The following HPSE2 variants were observed in gnomAD, a reference collection of about 807,000 sequenced individuals.
HPSE2 encodes the protein heparanase 2 (inactive).
In HPSE2, 38 loss-of-function variants were observed where a neutral mutation model predicts 60.5. That is an observed-to-expected ratio of 0.63 (90% CI 0.48 to 0.82). HPSE2 has a LOEUF of 0.82. HPSE2 is among the 40% of genes least tolerant of loss of function. HPSE2 has a pLI of 0.00. For synonymous variants in HPSE2, 295 were observed against 293.2 expected (o/e 1.01, Z -0.06); for missense variants, 713 against 740.4 (o/e 0.96, Z 0.43).
intron 3 of HPSE2, among the ~76,000 whole-genome samples, chr10:98,892,573 A>G (rs1258729774): frequency 6.6e-6 from 1 of 152,170 alleles, no homozygotes; most frequent in African/African-American, 2.4e-5. Context: ...ACTCTCTATT[A>G]TCCTTTATAG....
intron 2 of HPSE2, among the ~76,000 whole-genome samples, chr10:99,151,794 T>C (rs564126091): frequency 3.3e-5 from 5 of 152,258 alleles, no homozygotes; most frequent in South Asian, 2.1e-4. Context: ...CATGCACTTA[T>C]AATCCCAGCT....
intron 3 of HPSE2, among the ~76,000 whole-genome samples, chr10:98,822,876 G>A (rs918412750): frequency 1.3e-5 from 2 of 152,150 alleles, no homozygotes; most frequent in Non-Finnish European, 2.9e-5. Flanking sequence ...TAGAACCTAC[G>A]AATGTTACTT....
intron 11 of HPSE2, among the ~76,000 whole-genome samples, chr10:98,474,549 G>A (rs1394253138): frequency 6.6e-6 from 1 of 152,166 alleles, no homozygotes; most frequent in African/African-American, 2.4e-5. Context: ...GCAGTTAGAT[G>A]CCAATGTTTT....
At chr10:98,475,150 C>T (rs1940952379) in intron 11 of HPSE2, among the ~76,000 whole-genome samples, 1 of 148,152 alleles carries the variant, frequency 6.7e-6, no homozygotes, top group African/African-American at 2.5e-5. Context: ...CGGAGTCTCG[C>T]TCTGTCGCCC....
chr10:98,803,798 G>T (rs1159537794), intron 3 of HPSE2, among the ~76,000 whole-genome samples: 2 of 150,636 alleles, frequency 1.3e-5, no homozygotes, highest in African/African-American at 4.9e-5. Flanking sequence ...TTGACTTGGC[G>T]ATGCGGGCTC....
At chr10:99,225,031 A>G (rs540821644) in intron 2 of HPSE2, among the ~76,000 whole-genome samples, 1 of 152,188 alleles carries the variant, frequency 6.6e-6, no homozygotes, top group Non-Finnish European at 1.5e-5. Context: ...GATATAGTGA[A>G]CTGCAGCTCA....
intron 6 of HPSE2, among the ~76,000 whole-genome samples, chr10:98,690,864 A>G (rs1948061215): frequency 6.6e-6 from 1 of 152,222 alleles, no homozygotes; most frequent in Non-Finnish European, 1.5e-5. Flanking sequence ...TAGCAAACCC[A>G]AGAATATGCT....
chr10:98,677,166 T>C (rs1366289591), intron 6 of HPSE2, among the ~76,000 whole-genome samples: 1 of 152,238 alleles, frequency 6.6e-6, no homozygotes, highest in Non-Finnish European at 1.5e-5. Context: ...CCTTGCTAAC[T>C]AAGCTTCCTG....
At chr10:98,843,183 TC>T (rs1261907059) in intron 3 of HPSE2, among the ~76,000 whole-genome samples, 2 of 19,124 alleles carry the variant, frequency 1.0e-4, no homozygotes, top group African/African-American at 2.4e-4. Flanking sequence ...ATACTCTTCC[TC>T]CTCCTCCTCC....
chr10:99,009,454 A>G (rs2496706), intron 3 of HPSE2, among the ~76,000 whole-genome samples: 148,875 of 152,128 alleles, frequency 0.98, 72,922 homozygotes, highest in East Asian at 1. Context: ...GCAGGACTGA[A>G]CATCAGGGAT....
intron 2 of HPSE2, 84 bp from the exon 3 acceptor site, chr10:99,144,483 A>G: frequency 6.6e-7 from 1 of 1,503,886 alleles, no homozygotes; most frequent in African/African-American, 1.4e-5. Context: ...GTTTCACCCA[A>G]AATGACAGAA....
At chr10:99,192,666 G>A (rs1421784695) in intron 2 of HPSE2, among the ~76,000 whole-genome samples, 2 of 152,034 alleles carry the variant, frequency 1.3e-5, no homozygotes, top group Non-Finnish European at 2.9e-5. Context: ...CAAACTCCTG[G>A]GCTCAAGCGA....
intron 9 of HPSE2, among the ~76,000 whole-genome samples, chr10:98,560,514 C>A (rs1044228466): frequency 2.6e-5 from 4 of 152,236 alleles, no homozygotes; most frequent in Non-Finnish European, 5.9e-5. Flanking sequence ...GAGACCAAAG[C>A]CCAGTCCTGG....
intron 3 of HPSE2, among the ~76,000 whole-genome samples, chr10:99,063,746 A>C (rs1166546793): frequency 2.0e-5 from 3 of 152,188 alleles, no homozygotes; most frequent in African/African-American, 7.2e-5. Flanking sequence ...TGTTTATATA[A>C]ATGTGCTTAT....
rs561457741 is a variant in HPSE2 at position 98,743,600 on chromosome 10, T to A, written c.784+283A>T. Among the ~76,000 whole-genome samples the A allele has an allele frequency of 6.6e-5, 10 of 152,326 alleles. No homozygotes were observed. The East Asian group carries it at 1.9e-3, about 29-fold the overall frequency. On this transcript the variant is annotated intron_variant, in intron 4 of 11. Transcript: ENST00000370552. ...GTGCAAACAGGTTATAAAATCAATT[T>A]GTTAGTCATAAATCACTATATATTT...
the HPSE2 span, among the ~76,000 whole-genome samples, chr10:99,258,590 A>G: frequency 6.6e-6 from 1 of 152,212 alleles, no homozygotes; most frequent in Admixed American, 6.5e-5. Flanking sequence ...AGTCTGAAAA[A>G]GGACAAATTT....
At chr10:98,515,622 G>A (rs1177152012) in intron 9 of HPSE2, among the ~76,000 whole-genome samples, 1 of 152,114 alleles carries the variant, frequency 6.6e-6, no homozygotes, top group Admixed American at 6.5e-5. Context: ...ACATATAAAT[G>A]AAAATAGTTG....
intron 9 of HPSE2, among the ~76,000 whole-genome samples, chr10:98,534,844 A>G (rs946198055): frequency 1.3e-5 from 2 of 152,262 alleles, no homozygotes; most frequent in Non-Finnish European, 2.9e-5. Flanking sequence ...AGATATTTCC[A>G]GATATTTTCA....
intron 6 of HPSE2, among the ~76,000 whole-genome samples, chr10:98,693,246 T>A (rs1263884294): frequency 1.3e-5 from 2 of 152,266 alleles, no homozygotes; most frequent in East Asian, 3.8e-4. Flanking sequence ...AGACATTGAC[T>A]GTTAAGGGCT....
Sources: allele counts gnomAD v4.1 joint callset (sites outside exome capture counted in the v4.1 genomes callset), GRCh38; gene constraint gnomAD v4.1.1; transcripts MANE v1.5; gene names NCBI Gene and HGNC (gene_info 2026-07-23, HGNC 2026-07-21).